Variants in KLF12 observed in about 807,000 individuals in gnomAD.
KLF12 encodes Krueppel-like factor 12.
Under a neutral mutation model 37.8 loss-of-function variants are expected in KLF12, and 9 were observed. The ratio of observed to expected loss-of-function variants is 0.24; its 90% CI spans 0.14 to 0.42. The LOEUF is 0.42. KLF12 is among the 10% of genes least tolerant of loss of function. The probability of loss-of-function intolerance (pLI) is 1.00; values close to 1 mark genes in which losing one functional copy is unlikely to be tolerated. For synonymous variants in KLF12, 208 were observed against 202.1 expected (o/e 1.03, Z -0.25); for missense variants, 411 against 516.0 (o/e 0.80, Z 1.97).
chr13:74,243,600 A>G, the KLF12 span, among the ~76,000 whole-genome samples: 1 of 152,184 alleles, frequency 6.6e-6, no homozygotes, highest in Non-Finnish European at 1.5e-5. Flanking sequence ...ACTTCTCCAC[A>G]TCCTCTCCAG....
intron 5 of KLF12, among the ~76,000 whole-genome samples, chr13:73,804,551 T>A (rs1380604854): frequency 6.6e-6 from 1 of 152,072 alleles, no homozygotes; most frequent in African/African-American, 2.4e-5. Flanking sequence ...TACTAAGGGA[T>A]CACTATTTTT....
Position 73,846,467 on chromosome 13 carries a change from C to T in KLF12, c.124-94G>A, listed in dbSNP as rs149246951. The T allele has an allele frequency of 1.2e-3, 1,335 of 1,125,064 alleles. 18 individuals are homozygous for T. In the East Asian group the frequency reaches 0.027, roughly 23 times the overall value. 69.7% of individuals were successfully genotyped at this position (1,125,064 alleles called of 1,614,324 possible). The stretch of plus-strand genomic sequence containing the variant: ...CACTTGAACGTTTATTACTTTTTCT[C>T]TTATTGCTATGGGACATTTATTCGT... On this transcript the variant is annotated intron_variant, in intron 3 of 7. Coordinates refer to ENST00000377669, the MANE Select transcript of KLF12 (RefSeq NM_007249.5).
chr13:74,145,915 G>A, the KLF12 span, among the ~76,000 whole-genome samples: 1 of 152,090 alleles, frequency 6.6e-6, no homozygotes, highest in Non-Finnish European at 1.5e-5. Context: ...GTATCACAGA[G>A]TCTAAGAATT....
intron 7 of KLF12, among the ~76,000 whole-genome samples, chr13:73,712,224 G>A (rs1386683077): frequency 6.6e-6 from 1 of 151,774 alleles, no homozygotes; most frequent in Admixed American, 6.6e-5. Flanking sequence ...TGTAATCCCA[G>A]CTACTTGGGA....
At chr13:73,972,116 T>C (rs1162016374) in intron 2 of KLF12, among the ~76,000 whole-genome samples, 1 of 152,068 alleles carries the variant, frequency 6.6e-6, no homozygotes, top group African/African-American at 2.4e-5. Flanking sequence ...CTGAAATGCT[T>C]TGAGTAAAGG....
chr13:74,100,117 G>A (rs1876240554), intron 1 of KLF12, among the ~76,000 whole-genome samples: 1 of 152,030 alleles, frequency 6.6e-6, no homozygotes, highest in Non-Finnish European at 1.5e-5. Context: ...GGGTTGTGGG[G>A]GTGAAGGAAG....
At chr13:74,209,092 A>C in the KLF12 span, among the ~76,000 whole-genome samples, 14 of 152,142 alleles carry the variant, frequency 9.2e-5, no homozygotes, top group Admixed American at 9.2e-4. Flanking sequence ...AAGTCTCGAC[A>C]CTTGAAGAAC....
chr13:74,183,886 C>A, the KLF12 span, among the ~76,000 whole-genome samples: 2 of 152,142 alleles, frequency 1.3e-5, no homozygotes, highest in Admixed American at 1.3e-4. Context: ...ACCAGTCAGC[C>A]AAGATCACAC....
chr13:73,867,414 G>GTATA (rs3079803), intron 3 of KLF12, among the ~76,000 whole-genome samples: 2 of 148,218 alleles, frequency 1.3e-5, no homozygotes, highest in African/African-American at 4.9e-5. Flanking sequence ...ACGTGTGTGT[G>GTATA]TATATATATA....
At chr13:73,770,318 T>C (rs1456416920) in intron 5 of KLF12, among the ~76,000 whole-genome samples, 3 of 152,170 alleles carry the variant, frequency 2.0e-5, no homozygotes, top group Non-Finnish European at 2.9e-5. Context: ...AATAAAAATA[T>C]GAGTGTGACC....
the KLF12 span, among the ~76,000 whole-genome samples, chr13:74,175,876 C>T: frequency 1.3e-5 from 2 of 152,318 alleles, no homozygotes; most frequent in East Asian, 1.9e-4. Flanking sequence ...TGCCTCATAA[C>T]ACATCATCCT....
At chr13:73,834,925 C>T (rs1388668346) in intron 4 of KLF12, among the ~76,000 whole-genome samples, 3 of 152,164 alleles carry the variant, frequency 2.0e-5, no homozygotes, top group Non-Finnish European at 4.4e-5. Context: ...ATATACGCTT[C>T]CATTTAGCCA....
chr13:74,201,574 A>G, the KLF12 span, among the ~76,000 whole-genome samples: 12 of 152,092 alleles, frequency 7.9e-5, no homozygotes, highest in Admixed American at 3.9e-4. Context: ...TTCTTTCCCC[A>G]TACTCTGATT....
intron 6 of KLF12, among the ~76,000 whole-genome samples, chr13:73,738,436 G>C (rs1002526387): frequency 2.6e-5 from 4 of 151,862 alleles, no homozygotes; most frequent in African/African-American, 9.7e-5. Flanking sequence ...ACAGGCATAA[G>C]CCACCATACC....
chr13:73,895,417 C>G (rs892389542), intron 3 of KLF12, among the ~76,000 whole-genome samples: 2 of 152,220 alleles, frequency 1.3e-5, no homozygotes, highest in African/African-American at 4.8e-5. Context: ...ACACTGTTCA[C>G]ATCACATAAT....
At chr13:74,120,892 C>T (rs1425623796) in intron 1 of KLF12, among the ~76,000 whole-genome samples, 2 of 151,548 alleles carry the variant, frequency 1.3e-5, no homozygotes, top group Admixed American at 1.3e-4. Context: ...ACTAATAAGC[C>T]AATAAAGAAG....
intron 5 of KLF12, among the ~76,000 whole-genome samples, chr13:73,794,185 G>T (rs1566372198): frequency 6.6e-6 from 1 of 152,248 alleles, no homozygotes; most frequent in Non-Finnish European, 1.5e-5. Flanking sequence ...GACAGGCCGG[G>T]TGTGATGGCT....
intron 1 of KLF12, among the ~76,000 whole-genome samples, chr13:74,126,359 C>A (rs548404189): frequency 6.6e-6 from 1 of 152,120 alleles, no homozygotes; most frequent in South Asian, 2.1e-4. Flanking sequence ...TTAAAGGAGA[C>A]TCATTCTCAC....
At chr13:73,863,115 T>C (rs903733136) in intron 3 of KLF12, among the ~76,000 whole-genome samples, 6 of 152,270 alleles carry the variant, frequency 3.9e-5, no homozygotes, top group African/African-American at 9.6e-5. Context: ...ATTAGACTCA[T>C]ATTAAAATTC....
Sources: allele counts gnomAD v4.1 joint callset (sites outside exome capture counted in the v4.1 genomes callset), GRCh38; gene constraint gnomAD v4.1.1; transcripts MANE v1.5; gene names NCBI Gene and HGNC (gene_info 2026-07-23, HGNC 2026-07-21).